The following SLC8A1 variants were observed in gnomAD, a reference collection of about 807,000 sequenced individuals.
The protein encoded by SLC8A1 is solute carrier family 8 member A1.
Under a neutral mutation model 68.3 loss-of-function variants are expected in SLC8A1, and 18 were observed. That is an observed-to-expected ratio of 0.26 (90% CI 0.18 to 0.39). The LOEUF (loss-of-function observed/expected upper bound fraction) is 0.39. Among genes scored for constraint, SLC8A1 ranks in the 10% least tolerant of loss-of-function variants. SLC8A1 has a pLI of 1.00. For synonymous variants in SLC8A1, 475 were observed against 415.5 expected (o/e 1.14, Z -1.74); for missense variants, 985 against 1,156.7 (o/e 0.85, Z 2.15).
chr2:40,172,718 G>C (rs778359063), intron 4 of SLC8A1, among the ~76,000 whole-genome samples: 1 of 152,112 alleles, frequency 6.6e-6, no homozygotes, highest in Non-Finnish European at 1.5e-5. Context: ...CGAGGTGGGT[G>C]GATCACGAGG....
At chr2:40,211,272 A>G (rs1398698795) in intron 2 of SLC8A1, among the ~76,000 whole-genome samples, 2 of 152,190 alleles carry the variant, frequency 1.3e-5, no homozygotes, top group Non-Finnish European at 2.9e-5. Context: ...AGTTCTTCCT[A>G]TAAAGTTTTC....
At chr2:40,435,968 A>C (rs1284638684) in intron 1 of SLC8A1, among the ~76,000 whole-genome samples, 1 of 110,332 alleles carries the variant, frequency 9.1e-6, no homozygotes, top group Admixed American at 9.4e-5. Context: ...TTGTATTTTT[A>C]GTAGAGACAG....
intron 2 of SLC8A1, among the ~76,000 whole-genome samples, chr2:40,317,212 C>A (rs1020957724): frequency 6.6e-6 from 1 of 152,034 alleles, no homozygotes; most frequent in Non-Finnish European, 1.5e-5. Context: ...TTTCTCAATT[C>A]TCTTGTTCGA....
Position 40,446,630 on chromosome 2 carries a change from G to GT in SLC8A1, c.-25+5273dup, listed in dbSNP as rs1261537991. On this transcript the variant is annotated intron_variant, in intron 1 of 7. Transcript: ENST00000406785. The stretch of plus-strand genomic sequence containing the variant: ...CTCAGCCTTGTACTTCAGCATAGGT[G>GT]TTCTAGACCATGACATCCCTGGGAA... 5 of 152,356 alleles carry GT rather than the reference G, an allele frequency of 3.3e-5. No individual in the cohort carries two copies. In the East Asian group the frequency reaches 9.6e-4, roughly 29 times the overall value. The allele number at this position is 152,356 out of a possible 1,614,324, so 9.4% of individuals were successfully genotyped here.
chr2:40,219,326 G>A (rs1030360050), intron 2 of SLC8A1, among the ~76,000 whole-genome samples: 1 of 152,244 alleles, frequency 6.6e-6, no homozygotes, highest in African/African-American at 2.4e-5. Context: ...GTTACAAGGA[G>A]TAATTGTGGC....
intron 6 of SLC8A1, among the ~76,000 whole-genome samples, chr2:40,140,417 C>A (rs959445223): frequency 6.6e-6 from 1 of 152,186 alleles, no homozygotes; most frequent in African/African-American, 2.4e-5. Context: ...GACCTCCCCC[C>A]AAACCCATGC....
intron 2 of SLC8A1, among the ~76,000 whole-genome samples, chr2:40,303,734 C>G (rs2072001925): frequency 6.6e-6 from 1 of 152,162 alleles, no homozygotes; most frequent in African/African-American, 2.4e-5. Flanking sequence ...TCCCACAAGA[C>G]TGAGCCACTG....
chr2:40,253,163 GTATA>G (rs2063237631), intron 2 of SLC8A1, among the ~76,000 whole-genome samples: 1 of 128,360 alleles, frequency 7.8e-6, no homozygotes, highest in African/African-American at 3.1e-5. Flanking sequence ...ACATATATAT[GTATA>G]TACACACAAA....
intron 2 of SLC8A1, among the ~76,000 whole-genome samples, chr2:40,393,760 GATTTT>G (rs575286521): frequency 1.5e-3 from 223 of 152,230 alleles, no homozygotes; most frequent in Non-Finnish European, 2.5e-3. Context: ...GAAAATTAGT[GATTTT>G]ATTTATATAA....
At chr2:40,203,112 C>G (rs1312450495) in intron 2 of SLC8A1, among the ~76,000 whole-genome samples, 1 of 151,912 alleles carries the variant, frequency 6.6e-6, no homozygotes. Flanking sequence ...AAACTTTTGA[C>G]AGACTTTCCC....
chr2:40,164,798 A>G, intron 5 of SLC8A1, 56 bp downstream of exon 8: 1 of 1,602,714 alleles, frequency 6.2e-7, no homozygotes, highest in East Asian at 2.2e-5. Flanking sequence ...AACCCTATGA[A>G]CAGTTTCTGT....
chr2:40,333,423 G>A (rs2076634378), intron 2 of SLC8A1, among the ~76,000 whole-genome samples: 1 of 133,866 alleles, frequency 7.5e-6, no homozygotes, highest in Non-Finnish European at 1.5e-5. Flanking sequence ...GGGCAAGAGA[G>A]CGAGACTCCG....
chr2:40,154,640 A>G (rs2044125326), intron 6 of SLC8A1, among the ~76,000 whole-genome samples: 2 of 151,820 alleles, frequency 1.3e-5, no homozygotes, highest in African/African-American at 4.8e-5. Flanking sequence ...GTGGGCCACA[A>G]TTTCACACTC....
At chr2:40,127,411 G>T (rs746632830) in intron 7 of SLC8A1, among the ~76,000 whole-genome samples, 1 of 152,158 alleles carries the variant, frequency 6.6e-6, no homozygotes, top group Non-Finnish European at 1.5e-5. Context: ...AACCAGAACT[G>T]CAGTCTTCTA....
At chr2:40,115,076 C>T (rs572394483) in exon 8 of SLC8A1, 6 of 366,316 alleles carry the variant, frequency 1.6e-5, no homozygotes, top group African/African-American at 4.2e-5. Flanking sequence ...ATGATGATGC[C>T]CCTGGGAATG....
At chr2:40,257,580 A>C (rs985279913) in intron 2 of SLC8A1, among the ~76,000 whole-genome samples, 2 of 152,164 alleles carry the variant, frequency 1.3e-5, no homozygotes, top group Non-Finnish European at 2.9e-5. Flanking sequence ...AGATCACTCA[A>C]AGCACATTTT....
At chr2:40,097,492 C>G (rs2033640416) in exon 8 of SLC8A1, 1 of 140,156 alleles carries the variant, frequency 7.1e-6, no homozygotes. Context: ...AAAAATATTG[C>G]CAGTTCAACT....
chr2:40,177,294 C>T (rs2048653121), intron 3 of SLC8A1, among the ~76,000 whole-genome samples: 1 of 152,106 alleles, frequency 6.6e-6, no homozygotes, highest in Non-Finnish European at 1.5e-5. Context: ...TCTGAAGTTT[C>T]CTGTTAGTTG....
intron 1 of SLC8A1, among the ~76,000 whole-genome samples, chr2:40,491,596 A>G (rs1183512395): frequency 6.6e-6 from 1 of 152,134 alleles, no homozygotes; most frequent in Non-Finnish European, 1.5e-5. Flanking sequence ...GTTTTTGCCT[A>G]TTCAGTATGA....
Sources: allele counts gnomAD v4.1 joint callset (sites outside exome capture counted in the v4.1 genomes callset), GRCh38; gene constraint gnomAD v4.1.1; transcripts MANE v1.5; gene names NCBI Gene and HGNC (gene_info 2026-07-23, HGNC 2026-07-21).